ENOSF1: variants seen among roughly 807,000 people sequenced by gnomAD.
ENOSF1 encodes enolase superfamily member 1.
Under a neutral mutation model 68.2 loss-of-function variants are expected in ENOSF1, and 73 were observed. The observed-to-expected ratio is 1.07, with a 90% confidence interval of 0.89 to 1.30. The LOEUF (loss-of-function observed/expected upper bound fraction) is 1.30. Among genes scored for constraint, ENOSF1 ranks in the 50% most tolerant of loss-of-function variants. The probability of loss-of-function intolerance (pLI) is 0.00; values close to 1 mark genes in which losing one functional copy is unlikely to be tolerated. For synonymous variants in ENOSF1, 223 were observed against 210.4 expected (o/e 1.06, Z -0.52); for missense variants, 589 against 554.5 (o/e 1.06, Z -0.62).
Position 690,575 on chromosome 18 carries a change from C to T in ENOSF1, c.592G>A (p.Gly198Arg), listed in dbSNP as rs1417974536. The T allele has an allele frequency of 6.2e-7, 1 of 1,614,184 alleles. No homozygotes were observed. The highest frequency in any genetic ancestry group is 1.7e-5 in the Admixed American group (1 of 60,022). The change falls in exon 8 of 16, where the codon GGG (glycine) becomes AGG (arginine). Residue 198 changes from glycine (G) to arginine (R), a missense_variant. Coordinates refer to ENST00000647584, the MANE Select transcript of ENOSF1 (RefSeq NM_017512.7). The stretch of plus-strand genomic sequence containing the variant: ...TGCTTCAACGTGTCATCTGAGTACC[C>T]CAGCCAGGCGCACGATGTCGTGTAA... The part of the protein sequence containing the change: ...PAYTTSCAWL[G>R]YSDDTLKQLC...
intron 9 of ENOSF1, 108 bp from the exon 10 acceptor site, chr18:686,116 T>G (rs1172047557): frequency 1.3e-6 from 1 of 798,224 alleles, no homozygotes; most frequent in African/African-American, 1.7e-5. Context: ...ACAGATATGT[T>G]TTTTAGTAAC....
chr18:692,744 C>G, intron 5 of ENOSF1: 1 of 993,212 alleles, frequency 1.0e-6, no homozygotes, highest in Non-Finnish European at 1.2e-6. Flanking sequence ...TGGTGGCTAC[C>G]TCCTCCATCC....
At chr18:692,985 C>A (rs889007127) in intron 5 of ENOSF1, 21 of 1,175,368 alleles carry the variant, frequency 1.8e-5, no homozygotes, top group Non-Finnish European at 2.3e-5. Flanking sequence ...TTGTGGATCA[C>A]GAGGTTTTTA....
intron 9 of ENOSF1, chr18:687,881 A>G (rs2076761761): frequency 6.6e-6 from 1 of 152,374 alleles, no homozygotes; most frequent in African/African-American, 2.4e-5. Context: ...TTAAAGACCC[A>G]CCTGGCTGGG....
intron 2 of ENOSF1, among the ~76,000 whole-genome samples, chr18:700,891 A>G (rs1411672178): frequency 1.0e-4 from 3 of 28,764 alleles, no homozygotes; most frequent in Admixed American, 6.7e-4. Flanking sequence ...ACTCTGCCTC[A>G]AAAAAAAAAA....
At chr18:706,817 T>TATATATA (rs200437325) in intron 1 of ENOSF1, 681 of 63,670 alleles carry the variant, frequency 0.011, 8 homozygotes, top group South Asian at 0.089. Context: ...ATATATATAT[T>TATATATA]TTTTTTTTTT....
At chr18:694,823 T>C (rs2077555970) in intron 3 of ENOSF1, among the ~76,000 whole-genome samples, 2 of 152,272 alleles carry the variant, frequency 1.3e-5, no homozygotes, top group South Asian at 4.2e-4. Flanking sequence ...TCTCTCTATA[T>C]ATATGTTAAG....
intron 7 of ENOSF1, 101 bp from the exon 8 acceptor site, chr18:690,732 C>T (rs764382008): frequency 6.6e-6 from 8 of 1,209,486 alleles, no homozygotes; most frequent in South Asian, 5.6e-5. Flanking sequence ...TCCAGCTGTT[C>T]TCCTGATCCG....
intron 9 of ENOSF1, chr18:687,967 G>C (rs2076779040): frequency 6.5e-6 from 1 of 152,880 alleles, no homozygotes; most frequent in South Asian, 2.1e-4. Context: ...AGGAGTTCAG[G>C]ACCAGCCTGA....
intron 2 of ENOSF1, among the ~76,000 whole-genome samples, chr18:704,609 TTTC>T (rs1180157594): frequency 2.0e-5 from 3 of 147,584 alleles, no homozygotes; most frequent in Non-Finnish European, 4.5e-5. Flanking sequence ...CTGTATCTTT[TTTC>T]TTTTTTTTTT....
intron 14 of ENOSF1, among the ~76,000 whole-genome samples, chr18:676,228 T>A (rs2847326): frequency 0.24 from 36,866 of 152,128 alleles, 4,805 homozygotes; most frequent in African/African-American, 0.28. Context: ...CGCCTGTTAT[T>A]GAACAGCTGT....
chr18:706,603 A>C, intron 1 of ENOSF1, 25 bp from the exon 2 acceptor site: 1 of 1,551,472 alleles, frequency 6.4e-7, no homozygotes, highest in Non-Finnish European at 8.9e-7. Context: ...TTCCCCGCCG[A>C]AACAATGCCA....
At chr18:677,700 G>C in intron 13 of ENOSF1, 43 bp downstream of exon 13, 1 of 1,589,162 alleles carries the variant, frequency 6.3e-7, no homozygotes, top group South Asian at 1.1e-5. Flanking sequence ...TCTGATTAGT[G>C]GGGAAATGAA....
At chr18:687,389 C>T (rs1468125855) in intron 9 of ENOSF1, 1 of 152,164 alleles carries the variant, frequency 6.6e-6, no homozygotes, top group East Asian at 1.9e-4. Flanking sequence ...GGATCTTGTT[C>T]CAATGCAGAT....
rs76379051 is a variant in ENOSF1, at chr18:697,135, C to T, written c.309+105G>A. 172 of 839,464 alleles carry T rather than the reference C, an allele frequency of 2.0e-4. 2 individuals carry two copies. The highest frequency in any genetic ancestry group is 2.0e-6 in the Non-Finnish European group (1 of 494,822). The allele number at this position is 839,464 out of a possible 1,614,324, so 52.0% of individuals were successfully genotyped here. A position where few individuals can be genotyped will look rare whatever the true frequency, so the allele number is the denominator to read the frequency against. On this transcript the variant is annotated intron_variant, in intron 3 of 15. Transcript: ENST00000647584. ...CCATCTCAAAAAATAAATAAATAAA[C>T]AAATAAATAAACCCATCTCTATTTT...
At position 670,694 on chromosome 18, in the gene ENOSF1, C is replaced by T; in HGVS notation, c.*3611G>A. 6.2e-7 allele frequency: 1 copy of T among 1,613,868 alleles called. No homozygotes were observed. ...ATCTTCCTCTGCTGGTTCCTCAGAT[C>T]TTCCTCTGATGGCGCTGCCTCCATG... On this transcript the variant is annotated 3_prime_UTR_variant, in exon 16 of 16. Coordinates refer to ENST00000647584, the MANE Select transcript of ENOSF1 (RefSeq NM_017512.7).
intron 8 of ENOSF1, among the ~76,000 whole-genome samples, chr18:689,912 G>C (rs942547133): frequency 3.3e-5 from 5 of 152,152 alleles, no homozygotes; most frequent in Admixed American, 1.3e-4. Flanking sequence ...GGGGCTGAAG[G>C]CTGAATTGAT....
intron 14 of ENOSF1, 27 bp from the exon 15 acceptor site, chr18:675,429 AATG>A (rs1568009027): frequency 6.3e-7 from 1 of 1,586,218 alleles, no homozygotes; most frequent in Non-Finnish European, 8.6e-7. Context: ...AGATCGGGGC[AATG>A]ATGCCTGAAG....
At chr18:697,100 G>A in intron 3 of ENOSF1, 140 bp downstream of exon 3, 3 of 686,578 alleles carry the variant, frequency 4.4e-6, no homozygotes, top group African/African-American at 1.8e-5. Context: ...GTGGGTGACA[G>A]AGTGAGACTC....
Sources: gnomAD v4.1 joint callset for allele counts (sites outside exome capture counted in the v4.1 genomes callset) on GRCh38, gnomAD v4.1.1 for gene constraint, MANE v1.5 for transcripts, NCBI Gene and HGNC (gene_info 2026-07-23, HGNC 2026-07-21) for gene names.